The following BRD8 variants were observed in gnomAD, a reference collection of about 807,000 sequenced individuals.
BRD8 encodes the protein bromodomain containing 8.
Under a neutral mutation model 143.1 loss-of-function variants are expected in BRD8, and 67 were observed. That is an observed-to-expected ratio of 0.47 (90% CI 0.38 to 0.57). The LOEUF (loss-of-function observed/expected upper bound fraction) is 0.57. BRD8 is among the 20% of genes least tolerant of loss of function. The pLI, the probability that BRD8 is intolerant of heterozygous loss-of-function variation, is 0.00. For synonymous variants in BRD8, 505 were observed against 517.1 expected (o/e 0.98, Z 0.32); for missense variants, 1,103 against 1,503.0 (o/e 0.73, Z 4.40).
At chr5:138,141,060 A>G (rs1751883935) in intron 25 of BRD8, among the ~76,000 whole-genome samples, 178 bp from the exon 26 acceptor site, 1 of 152,208 alleles carries the variant, frequency 6.6e-6, no homozygotes, top group Non-Finnish European at 1.5e-5. Flanking sequence ...ACAATGGGCC[A>G]AACACTGTAT....
rs778814490 is a variant in BRD8 at position 138,164,456 on chromosome 5, C to A, written c.1732-43G>T. ...AAAAACACCCTAAGTACTGATAAAT[C>A]GCTATAGCTCACACAACTTTATTCT... On this transcript the variant is annotated intron_variant, in intron 12 of 26. Coordinates refer to ENST00000254900, the MANE Select transcript of BRD8 (RefSeq NM_139199.2). The A allele has an allele frequency of 3.2e-6, 5 of 1,553,004 alleles. No individual in the cohort carries two copies. The Admixed American group carries it at 5.1e-5, about 16-fold the overall frequency.
At chr5:138,160,808 A>T in intron 18 of BRD8, 83 bp downstream of exon 18, 2 of 1,312,474 alleles carry the variant, frequency 1.5e-6, no homozygotes, top group Non-Finnish European at 2.0e-6. Context: ...AGCCACAGCA[A>T]CCCTTCTTGG....
In BRD8 at chr5:138,170,350, T is replaced by A. The variant is rs774623012; in HGVS notation, c.500A>T (p.Tyr167Phe). ...EVKRKATDAA[Y>F]QARQAVKTPP... ...GCATACTAGGTTCAGCTTACCCTGGTATGCAGCATCTGTAGCCTTCCTCTT... is the reference window on the plus strand; with the variant it reads ...GCATACTAGGTTCAGCTTACCCTGGAATGCAGCATCTGTAGCCTTCCTCTT... The change falls in exon 7 of 27, where the codon TAC becomes TTC. Residue 167 changes from tyrosine to phenylalanine, a missense_variant. Physicochemically the swap from Tyr to Phe is conservative, Grantham distance 22. Coordinates refer to ENST00000254900, the MANE Select transcript of BRD8 (RefSeq NM_139199.2). The A allele has an allele frequency of 1.2e-6, 2 of 1,610,268 alleles. No homozygotes were observed. The highest frequency in any genetic ancestry group is 1.7e-6 in the Non-Finnish European group (2 of 1,176,418).
Position 138,164,826 on chromosome 5 carries a change from C to T in BRD8, c.1619G>A (p.Arg540Lys). 6.2e-7 allele frequency: 1 copy of T among 1,614,232 alleles called. No individual in the cohort carries two copies. The highest frequency in any genetic ancestry group is 8.5e-7 in the Non-Finnish European group (1 of 1,180,044). ...PATSMEPPEL[R>K]SQDLDEELGS... ...CAGTTCCTCATCTAAGTCCTGACTC[C>T]TGAGTTCTGGTGGCTCCATACTTGT... Residue 540 changes from arginine to lysine, a missense_variant, in exon 12 of 27, where the codon AGG (arginine) becomes AAG (lysine). Around this residue, in one of 7 missense-constraint regions of BRD8, gnomAD observed 139 missense variants for 139.0 expected, o/e 1.00. Coordinates refer to ENST00000254900, the MANE Select transcript of BRD8 (RefSeq NM_139199.2).
intron 17 of BRD8, among the ~76,000 whole-genome samples, chr5:138,161,422 C>T (rs1752988603): frequency 6.6e-6 from 1 of 152,142 alleles, no homozygotes; most frequent in Admixed American, 6.5e-5. Flanking sequence ...TCAAGCAATC[C>T]TTCCCACCTC....
In BRD8 at chr5:138,171,113, A is replaced by G; in HGVS notation, c.284T>C (p.Val95Ala). The change falls in exon 5 of 27, where the codon GTT (valine) becomes GCT (alanine). Residue 95 changes from valine (V) to alanine (A), a missense_variant. This residue lies in a region of BRD8 where 69 missense variants were observed against 121.6 expected (regional missense o/e 0.57). Transcript: ENST00000254900. Reference protein sequence around the residue: ...KGEVVETVEDVIVRKLTAERV... With the variant: ...KGEVVETVEDAIVRKLTAERV... ...CTCAGCAGTCAATTTCCGAACAATAACATCTTCAACAGTTTCCACCACTTC... is the reference window on the plus strand; with the variant it reads ...CTCAGCAGTCAATTTCCGAACAATAGCATCTTCAACAGTTTCCACCACTTC... 6.2e-7 allele frequency: 1 copy of G among 1,613,810 alleles called. No homozygotes were observed. The highest frequency in any genetic ancestry group is 8.5e-7 in the Non-Finnish European group (1 of 1,179,828).
intron 2 of BRD8, among the ~76,000 whole-genome samples, chr5:138,175,660 T>C (rs1754259962): frequency 6.7e-6 from 1 of 149,608 alleles, no homozygotes. Flanking sequence ...GGGAACATAG[T>C]GGGACCTCGT....
rs768152827 is a variant in BRD8 at position 138,165,901 on chromosome 5, A to G, written c.1205T>C (p.Ile402Thr). The G allele has an allele frequency of 1.2e-6, 2 of 1,614,200 alleles. No individual in the cohort carries two copies. Among genetic ancestry groups the G allele is most frequent in the East Asian group, 2.2e-5 (1 of 44,880 alleles). ...EELDLAEKMD[I>T]AVSYTGEELD... Reference sequence around the variant, plus strand: ...CTCTTCACCTGTGTAAGACACAGCAATATCCATCTTCTCAGCCAGATCTAA... The same window carrying G: ...CTCTTCACCTGTGTAAGACACAGCAGTATCCATCTTCTCAGCCAGATCTAA... The change falls in exon 11 of 27, where the codon ATT (isoleucine) becomes ACT (threonine). Residue 402 changes from isoleucine (I) to threonine (T), a missense_variant. By Grantham distance (89) the Ile-to-Thr change is moderately conservative (BLOSUM62 -1). Around this residue, in one of 7 missense-constraint regions of BRD8, gnomAD observed 53 missense variants for 101.4 expected, o/e 0.52. Coordinates refer to ENST00000254900, the MANE Select transcript of BRD8 (RefSeq NM_139199.2).
Position 138,178,121 on chromosome 5 carries a change from G to C in BRD8, c.20-454C>G, listed in dbSNP as rs138892482. On this transcript the variant is annotated intron_variant, in intron 1 of 26. Coordinates refer to ENST00000254900, the MANE Select transcript of BRD8 (RefSeq NM_139199.2). ...CAGATCCTCTACTCCAAATGTCGGG[G>C]GTAAAAGAGCTTTTCAGTCCAAAAA... Among the ~76,000 whole-genome samples the C allele has an allele frequency of 3.7e-3, 559 of 152,050 alleles. 3 individuals are homozygous for C. The highest frequency in any genetic ancestry group is 0.013 in the African/African-American group (532 of 41,464).
At position 138,152,518 on chromosome 5, in the gene BRD8, T is replaced by C. The variant is rs1175481809; in HGVS notation, c.2820A>G (p.Lys940=). 3 of 1,614,100 alleles carry C rather than the reference T, an allele frequency of 1.9e-6. No individual in the cohort carries two copies. The highest frequency in any genetic ancestry group is 2.7e-5 in the African/African-American group (2 of 74,942). The change falls in exon 21 of 27, where the codon AAA becomes AAG. Residue 940 remains lysine (K), a synonymous_variant. Coordinates refer to ENST00000254900, the MANE Select transcript of BRD8 (RefSeq NM_139199.2). The part of the protein sequence containing the change: ...GSEESQEAAR[K]ASHQNLLHFL... ...AGTGGAGGAGGTTCTGGTGGCTGGCTTTCCTTGCCGCTTCCTGAGATTCCT... is the reference window on the plus strand; with the variant it reads ...AGTGGAGGAGGTTCTGGTGGCTGGCCTTCCTTGCCGCTTCCTGAGATTCCT...
intron 20 of BRD8, 123 bp downstream of exon 20, chr5:138,159,432 G>T: frequency 2.0e-6 from 2 of 1,016,318 alleles, no homozygotes; most frequent in Non-Finnish European, 3.1e-6. Flanking sequence ...TCAATGACCT[G>T]AATAAACAGA....
intron 2 of BRD8, 100 bp downstream of exon 2, chr5:138,177,471 T>A: frequency 1.4e-6 from 1 of 722,972 alleles, no homozygotes; most frequent in Non-Finnish European, 2.4e-6. Flanking sequence ...AAAGAAAGTC[T>A]ACTTACAGCT....
chr5:138,171,400 G>T lies in BRD8; in HGVS notation c.197C>A (p.Ser66Tyr). The T allele has an allele frequency of 6.3e-7, 1 of 1,580,438 alleles. No individual in the cohort carries two copies. The highest frequency in any genetic ancestry group is 8.6e-7 in the Non-Finnish European group (1 of 1,168,144). The change falls in exon 4 of 27, where the codon TCC becomes TAC. Residue 66 changes from serine (S) to tyrosine (Y), a missense_variant. Coordinates refer to ENST00000254900, the MANE Select transcript of BRD8 (RefSeq NM_139199.2). ...GGTCTCTAAAAGCTCCGAGTACTGG[G>T]AAGCACAATGCTATTAAAAAAAAAA... ...PDWFSQKHCA[S>Y]QYSELLETTE...
intron 23 of BRD8, 64 bp from the exon 24 acceptor site, chr5:138,145,942 G>C (rs1752131816): frequency 1.4e-6 from 2 of 1,384,504 alleles, no homozygotes; most frequent in Admixed American, 3.5e-5. Context: ...ATCTCCCCCA[G>C]GTGGGTAATG....
intron 9 of BRD8, chr5:138,167,684 C>A: frequency 2.4e-6 from 1 of 421,608 alleles, no homozygotes; most frequent in South Asian, 2.6e-5. Context: ...TTTGCAAGCC[C>A]TAAGAAAGCA....
Position 138,165,086 on chromosome 5 carries a change from C to T in BRD8, c.1359G>A (p.Gln453=). Residue 453 remains glutamine (Q), a synonymous_variant, in exon 12 of 27, where the codon CAG becomes CAA. Transcript: ENST00000254900. ...LSFCEENDDP[Q]SLPGPWEHPI... is the part of the protein sequence containing the mutation. The stretch of plus-strand genomic sequence containing the variant: ...GATGCTCCCAGGGGCCAGGCAGGGA[C>T]TGAGGATCATCATTTTCTTCACAAA... The T allele has an allele frequency of 6.2e-7, 1 of 1,614,154 alleles. No individual in the cohort carries two copies. Among genetic ancestry groups the T allele is most frequent in the Non-Finnish European group, 8.5e-7 (1 of 1,180,034 alleles).
At chr5:138,157,197 A>T in intron 20 of BRD8, 3 of 1,612,940 alleles carry the variant, frequency 1.9e-6, no homozygotes, top group Non-Finnish European at 2.5e-6. Flanking sequence ...AAAGAGGGTA[A>T]CTCTGAGGCT....
In BRD8 at chr5:138,164,910, G is replaced by A. The variant is rs757732527; in HGVS notation, c.1535C>T (p.Pro512Leu). 8.1e-6 allele frequency: 13 copies of A among 1,614,176 alleles called. No homozygotes were observed. Among genetic ancestry groups the A allele is most frequent in the Non-Finnish European group, 1.1e-5 (13 of 1,180,030 alleles). The change falls in exon 12 of 27, where the codon CCT becomes CTT. Residue 512 changes from proline (P) to leucine (L), a missense_variant. By Grantham distance (98) the Pro-to-Leu change is moderately conservative. Around this residue, in one of 7 missense-constraint regions of BRD8, gnomAD observed 139 missense variants for 139.0 expected, o/e 1.00. Transcript: ENST00000254900. ...TGAAATGACTGGCTCTGGTTCTGCA[G>A]GTTCCACCTTGATCTCTGCACTGGG... ...REPSAEIKVE[P>L]AEPEPVISGA...
intron 9 of BRD8, 32 bp from the exon 10 acceptor site, chr5:138,166,759 A>G (rs991089063): frequency 2.3e-6 from 3 of 1,332,374 alleles, no homozygotes; most frequent in African/African-American, 1.4e-5. Context: ...AAAATGAAGT[A>G]AGAAGAAAGC....
Sources: allele counts gnomAD v4.1 joint callset (sites outside exome capture counted in the v4.1 genomes callset), GRCh38; gene constraint gnomAD v4.1.1; regional missense constraint gnomAD v4.1.1; transcripts MANE v1.5; gene names NCBI Gene and HGNC (gene_info 2026-07-23, HGNC 2026-07-21).